Variants in VWC2L observed in about 807,000 individuals in gnomAD.
The protein encoded by VWC2L is von Willebrand factor C domain-containing protein 2-like.
A neutral mutation model predicts 21.6 loss-of-function variants in VWC2L; 10 were observed. The ratio of observed to expected loss-of-function variants is 0.46; its 90% CI spans 0.29 to 0.78. VWC2L has a LOEUF of 0.78. VWC2L is among the 30% of genes least tolerant of loss of function. The probability of loss-of-function intolerance (pLI) is 0.10; values close to 1 mark genes in which losing one functional copy is unlikely to be tolerated. For synonymous variants in VWC2L, 96 were observed against 94.3 expected (o/e 1.02, Z -0.10); for missense variants, 209 against 277.1 (o/e 0.75, Z 1.74).
intron 3 of VWC2L, among the ~76,000 whole-genome samples, chr2:214,444,208 T>G (rs1180977624): frequency 6.6e-6 from 1 of 152,062 alleles, no homozygotes; most frequent in African/African-American, 2.4e-5. Flanking sequence ...TAGAACAAAC[T>G]GTGCTGGGAA....
chr2:214,453,509 A>T (rs2126185642), intron 3 of VWC2L, among the ~76,000 whole-genome samples: 1 of 152,282 alleles, frequency 6.6e-6, no homozygotes, highest in East Asian at 1.9e-4. Context: ...CTCCCCTCAT[A>T]AAAGTATATT....
At chr2:214,567,952 T>C (rs1690094433) in intron 3 of VWC2L, among the ~76,000 whole-genome samples, 1 of 152,210 alleles carries the variant, frequency 6.6e-6, no homozygotes, top group South Asian at 2.1e-4. Context: ...GGATTTTGTA[T>C]GAGCTTCCTA....
intron 3 of VWC2L, among the ~76,000 whole-genome samples, chr2:214,556,246 C>A (rs1689871192): frequency 6.6e-6 from 1 of 152,080 alleles, no homozygotes; most frequent in Non-Finnish European, 1.5e-5. Flanking sequence ...GGTGACAGAG[C>A]AAGACTCCAT....
At chr2:214,436,581 A>C in intron 2 of VWC2L, 48 bp from the exon 3 acceptor site, 1 of 1,603,314 alleles carries the variant, frequency 6.2e-7, no homozygotes, top group Non-Finnish European at 8.5e-7. Context: ...TGAATGTGCA[A>C]GCATTAAGTT....
chr2:214,520,854 CT>C (rs1427738949), intron 3 of VWC2L, among the ~76,000 whole-genome samples: 1 of 152,098 alleles, frequency 6.6e-6, no homozygotes. Flanking sequence ...TTTTTAGCAT[CT>C]GGTGGTAGAA....
At chr2:214,526,796 G>A (rs1213339680) in intron 3 of VWC2L, among the ~76,000 whole-genome samples, 1 of 152,174 alleles carries the variant, frequency 6.6e-6, no homozygotes, top group African/African-American at 2.4e-5. Context: ...AAGGCAATCT[G>A]GAGAATTCTC....
At chr2:214,557,408 GAATCAT>G (rs1689890730) in intron 3 of VWC2L, among the ~76,000 whole-genome samples, 2 of 152,090 alleles carry the variant, frequency 1.3e-5, no homozygotes, top group Non-Finnish European at 2.9e-5. Context: ...CAACACATGT[GAATCAT>G]GGGAGCTACA....
At chr2:214,462,562 AT>A (rs1481124981) in intron 3 of VWC2L, among the ~76,000 whole-genome samples, 1 of 152,140 alleles carries the variant, frequency 6.6e-6, no homozygotes, top group Non-Finnish European at 1.5e-5. Flanking sequence ...CTTGATGTTG[AT>A]GATTTTTCTC....
intron 3 of VWC2L, among the ~76,000 whole-genome samples, chr2:214,507,495 A>C (rs1318362110): frequency 6.6e-6 from 1 of 152,210 alleles, no homozygotes; most frequent in Admixed American, 6.5e-5. Flanking sequence ...CTAGAGCTAC[A>C]GGGAAAGTTG....
chr2:214,490,113 C>T (rs1251929838), intron 3 of VWC2L, among the ~76,000 whole-genome samples: 1 of 152,108 alleles, frequency 6.6e-6, no homozygotes, highest in Non-Finnish European at 1.5e-5. Flanking sequence ...AAATTCTGAG[C>T]TGATGATATA....
At chr2:214,445,313 A>G (rs1243640099) in intron 3 of VWC2L, among the ~76,000 whole-genome samples, 1 of 151,930 alleles carries the variant, frequency 6.6e-6, no homozygotes, top group African/African-American at 2.4e-5. Context: ...GTTTGATAAT[A>G]GCAACAATTT....
At chr2:214,542,768 G>C (rs746075639) in intron 3 of VWC2L, among the ~76,000 whole-genome samples, 3 of 152,078 alleles carry the variant, frequency 2.0e-5, no homozygotes, top group Non-Finnish European at 2.9e-5. Flanking sequence ...TTTATCCCAG[G>C]GGTGGTTAAA....
At chr2:214,456,403 G>GT (rs1703056880) in intron 3 of VWC2L, among the ~76,000 whole-genome samples, 1 of 151,704 alleles carries the variant, frequency 6.6e-6, no homozygotes, top group South Asian at 2.1e-4. Context: ...TTTTGTTTGG[G>GT]TTTTTTTGTT....
chr2:214,503,610 G>T (rs895988088), intron 3 of VWC2L, among the ~76,000 whole-genome samples: 2 of 151,962 alleles, frequency 1.3e-5, no homozygotes, highest in Admixed American at 1.3e-4. Flanking sequence ...AGCTACAAAA[G>T]CAGTGATTGT....
At chr2:214,427,668 C>T (rs551779117) in intron 2 of VWC2L, among the ~76,000 whole-genome samples, 14 of 152,264 alleles carry the variant, frequency 9.2e-5, no homozygotes, top group Admixed American at 3.3e-4. Context: ...TCCAAATCCT[C>T]TCCAATACCA....
chr2:214,414,594 C>T lies in VWC2L; in HGVS notation c.390+11C>T, dbSNP rs760018329. ...TTGGAGGAATTTAAGGTATGCGTTA[C>T]CCTCCATATTTATTGAAATATCAAC... On this transcript the variant is annotated intron_variant, in intron 2 of 3. Coordinates refer to ENST00000312504, the MANE Select transcript of VWC2L (RefSeq NM_001080500.4). The T allele has an allele frequency of 1.2e-6, 2 of 1,604,258 alleles. No homozygotes were observed. Among genetic ancestry groups the T allele is most frequent in the Non-Finnish European group, 1.7e-6 (2 of 1,177,524 alleles).
At chr2:214,483,668 A>C (rs1191339213) in intron 3 of VWC2L, among the ~76,000 whole-genome samples, 1 of 152,224 alleles carries the variant, frequency 6.6e-6, no homozygotes, top group Non-Finnish European at 1.5e-5. Context: ...TTAGAACAAA[A>C]ATAACAGTAC....
intron 3 of VWC2L, among the ~76,000 whole-genome samples, chr2:214,545,343 A>G (rs533030516): frequency 6.6e-6 from 1 of 152,206 alleles, no homozygotes; most frequent in Admixed American, 6.5e-5. Flanking sequence ...CAACACACTG[A>G]ATATCAGCCC....
chr2:214,450,414 A>C (rs1351956644), intron 3 of VWC2L, among the ~76,000 whole-genome samples: 1 of 152,192 alleles, frequency 6.6e-6, no homozygotes, highest in Non-Finnish European at 1.5e-5. Flanking sequence ...ACCCATGTGG[A>C]TTCCAAAATA....
Sources: allele counts gnomAD v4.1 joint callset (sites outside exome capture counted in the v4.1 genomes callset), GRCh38; gene constraint gnomAD v4.1.1; transcripts MANE v1.5; gene names NCBI Gene and HGNC (gene_info 2026-07-23, HGNC 2026-07-21).